AFM: variants seen among roughly 807,000 people sequenced by gnomAD.
The protein encoded by AFM is alpha-Alb.
In AFM, 82 loss-of-function variants were observed where a neutral mutation model predicts 68.7. That is an observed-to-expected ratio of 1.19 (90% confidence interval 1.00 to 1.43). AFM has a LOEUF of 1.43. AFM is among the 40% of genes most tolerant of loss of function. AFM has a pLI of 0.00. For missense variants in AFM, 772 were observed against 701.8 expected, an observed-to-expected ratio of 1.10 and a Z score of -1.13; for synonymous variants, 250 against 234.2, an observed-to-expected ratio of 1.07 and a Z score of -0.61.
chr4:73,499,595 A>C (rs1366399887), intron 11 of AFM, among the ~76,000 whole-genome samples: 2 of 152,104 alleles, frequency 1.3e-5, no homozygotes, highest in Admixed American at 6.6e-5. Context: ...TCTTGGCCCC[A>C]TTGCTTCATC....
At chr4:73,500,273 A>T in intron 12 of AFM, 46 bp downstream of exon 12, 1 of 1,490,944 alleles carries the variant, frequency 6.7e-7, no homozygotes, top group Non-Finnish European at 9.2e-7. Flanking sequence ...GTTTGAAGAC[A>T]CACCATGTAT....
rs907434243 is a variant in AFM, at chr4:73,495,120, A to T, written c.1059-180A>T. Reference sequence around the variant, plus strand: ...AATCTAAAACGTACCATGGAAGAGAACTTTTGTAAAATGATCTATAGCCAA... The same window carrying T: ...AATCTAAAACGTACCATGGAAGAGATCTTTTGTAAAATGATCTATAGCCAA... On this transcript the variant is annotated intron_variant, in intron 8 of 14. Coordinates refer to ENST00000226355, the MANE Select transcript of AFM (RefSeq NM_001133.2). The T allele has an allele frequency of 9.5e-5, 43 of 453,662 alleles. No homozygotes were observed. In the East Asian group the frequency reaches 1.4e-3, roughly 15 times the overall value. 28.1% of individuals were successfully genotyped at this position (453,662 alleles called of 1,614,324 possible). A position where few individuals can be genotyped will look rare whatever the true frequency, so the allele number is the denominator to read the frequency against.
chr4:73,488,678 G>T lies in AFM; in HGVS notation c.762G>T (p.Glu254Asp), dbSNP rs751777985. 2 of 1,612,734 alleles carry T rather than the reference G, an allele frequency of 1.2e-6. No homozygotes were observed. The highest frequency in any genetic ancestry group is 8.5e-7 in the Non-Finnish European group (1 of 1,179,228). ...AATTCCCCAAGATTGAATTTAAGGAGCTTATTTCTCTTGTAGAAGATGTTT... is the reference window on the plus strand; with the variant it reads ...AATTCCCCAAGATTGAATTTAAGGATCTTATTTCTCTTGTAGAAGATGTTT... ...SQKFPKIEFK[E>D]LISLVEDVSS... The change falls in exon 7 of 15, where the codon GAG becomes GAT. Residue 254 changes from glutamate (E) to aspartate (D), a missense_variant. By Grantham distance (45) the Glu-to-Asp change is conservative (BLOSUM62 2). Coordinates refer to ENST00000226355, the MANE Select transcript of AFM (RefSeq NM_001133.2).
intron 11 of AFM, 53 bp downstream of exon 11, chr4:73,499,299 GAA>G: frequency 7.3e-7 from 1 of 1,372,352 alleles, no homozygotes; most frequent in Non-Finnish European, 9.6e-7. Context: ...TTAAAAAAAA[GAA>G]TATTTGCACT....
At position 73,485,487 on chromosome 4, in the gene AFM, G is replaced by A. The variant is rs946775359; in HGVS notation, c.271-375G>A. On this transcript the variant is annotated intron_variant, in intron 3 of 14. Transcript: ENST00000226355. ...GAGGATCACTTGAGCCCAGGAGTTCGAATCTAGCCTGCACAACATATCAAG... is the reference window on the plus strand; with the variant it reads ...GAGGATCACTTGAGCCCAGGAGTTCAAATCTAGCCTGCACAACATATCAAG... Among the ~76,000 whole-genome samples the A allele has an allele frequency of 3.3e-5, 5 of 151,904 alleles. No homozygotes were observed. The East Asian group carries it at 9.7e-4, about 29-fold the overall frequency.
intron 10 of AFM, 145 bp downstream of exon 10, chr4:73,497,894 G>T: frequency 2.0e-6 from 1 of 490,104 alleles, no homozygotes. Flanking sequence ...AGTCAAGAAT[G>T]CCTATTGAAC....
intron 3 of AFM, among the ~76,000 whole-genome samples, chr4:73,485,049 T>C (rs1171138524): frequency 6.6e-6 from 1 of 152,212 alleles, no homozygotes; most frequent in Non-Finnish European, 1.5e-5. Flanking sequence ...ATGTATACAG[T>C]ATGCCCTATA....
intron 3 of AFM, among the ~76,000 whole-genome samples, 171 bp from the exon 4 acceptor site, chr4:73,485,691 A>AGG (rs964699913): frequency 2.2e-5 from 2 of 91,486 alleles, no homozygotes; most frequent in African/African-American, 8.6e-5. Flanking sequence ...GAAGAGAAGG[A>AGG]GGGGGGGAAG....
intron 6 of AFM, among the ~76,000 whole-genome samples, chr4:73,488,066 T>A (rs1720959733): frequency 6.6e-6 from 1 of 152,076 alleles, no homozygotes; most frequent in South Asian, 2.1e-4. Flanking sequence ...TAATTGAGAA[T>A]CTGAACTGCT....
rs1022967131 is a variant in AFM, at chr4:73,497,648, T to G, written c.1192-4T>G. The G allele has an allele frequency of 6.3e-7, 1 of 1,585,076 alleles. No individual in the cohort carries two copies. ...TTTGTAACCATGATTATTCTTATTT[T>G]CAGGAAGACAAATTCAATGAGACAA... On this transcript the variant is annotated splice_region_variant and splice_polypyrimidine_tract_variant and intron_variant, in intron 9 of 14. Transcript: ENST00000226355.
intron 1 of AFM, 147 bp from the exon 2 acceptor site, chr4:73,483,790 CTTAT>C (rs1320842626): frequency 8.9e-6 from 5 of 560,636 alleles, no homozygotes; most frequent in African/African-American, 2.0e-5. Context: ...GTTCACATGA[CTTAT>C]TTGTTTCTTG....
Position 73,501,854 on chromosome 4 carries a change from A to C in AFM, c.1714A>C (p.Asn572His). Residue 572 changes from asparagine to histidine, a missense_variant, in exon 13 of 15, where the codon AAT becomes CAT. Asn to His is a moderately conservative substitution (Grantham distance 68). Transcript: ENST00000226355. The stretch of plus-strand genomic sequence containing the variant: ...TGAAGAGCTGCAGTCTTTGTTTACA[A>C]ATTTCGCAAATGTAGTGGATAAGTG... ...TDEELQSLFTNFANVVDKCCK... is the reference protein window; with the variant it reads ...TDEELQSLFTHFANVVDKCCK... The C allele has an allele frequency of 6.2e-7, 1 of 1,613,562 alleles. No homozygotes were observed.
At chr4:73,488,819 T>C in intron 7 of AFM, 60 bp downstream of exon 7, 3 of 1,547,190 alleles carry the variant, frequency 1.9e-6, no homozygotes, top group African/African-American at 1.4e-5. Context: ...ATTTTTTTAT[T>C]CTCAAGTTGC....
rs765807836 is a variant in AFM at position 73,495,431 on chromosome 4, C to T, written c.1190C>T (p.Ala397Val). ...TENPPGCYRY[A>V]EDKFNETTEK... ...AACCCTCCAGGTTGTTACCGTTACG[C>T]GGTAGGTTCCATTGTTGTAGGTTCA... Residue 397 changes from alanine to valine, a missense_variant and splice_region_variant, in exon 9 of 15, where the codon GCG (alanine) becomes GTG (valine). Physicochemically the swap from Ala to Val is moderately conservative, Grantham distance 64. Transcript: ENST00000226355. 4.0e-5 allele frequency: 65 copies of T among 1,607,852 alleles called. No individual in the cohort carries two copies. Among genetic ancestry groups the T allele is most frequent in the Middle Eastern group, 1.7e-4 (1 of 6,038 alleles).
chr4:73,485,848 T>G lies in AFM; in HGVS notation c.271-14T>G. On this transcript the variant is annotated splice_polypyrimidine_tract_variant and intron_variant, in intron 3 of 14. Transcript: ENST00000226355. Reference sequence around the variant, plus strand: ...CCATGACTAAAAATTGTCCTTTTCTTCTCTGTTGTATAGAATAATGTTTTA... The same window carrying G: ...CCATGACTAAAAATTGTCCTTTTCTGCTCTGTTGTATAGAATAATGTTTTA... The G allele has an allele frequency of 6.2e-7, 1 of 1,608,884 alleles. No individual in the cohort carries two copies. The highest frequency in any genetic ancestry group is 8.5e-7 in the Non-Finnish European group (1 of 1,175,718).
chr4:73,502,777 A>G (rs1721456327), intron 13 of AFM, among the ~76,000 whole-genome samples: 1 of 152,104 alleles, frequency 6.6e-6, no homozygotes, highest in Admixed American at 6.6e-5. Flanking sequence ...AAATATACCT[A>G]ATTTTAAGTA....
At chr4:73,490,030 TA>T (rs998468840) in intron 7 of AFM, among the ~76,000 whole-genome samples, 2 of 151,938 alleles carry the variant, frequency 1.3e-5, no homozygotes, top group Non-Finnish European at 2.9e-5. Context: ...ATAATTTTAT[TA>T]AAAAAATAAC....
intron 9 of AFM, among the ~76,000 whole-genome samples, chr4:73,497,114 G>A (rs1054386772): frequency 5.9e-5 from 9 of 152,108 alleles, no homozygotes; most frequent in African/African-American, 2.2e-4. Context: ...CTCAGAAGAT[G>A]TCCAATTTTA....
At chr4:73,486,104 G>C (rs749597874) in intron 4 of AFM, 31 bp downstream of exon 4, 3 of 1,564,340 alleles carry the variant, frequency 1.9e-6, no homozygotes, top group African/African-American at 1.4e-5. Flanking sequence ...AAATGATCCA[G>C]TTGAAGAATT....
Sources: allele counts gnomAD v4.1 joint callset (sites outside exome capture counted in the v4.1 genomes callset), GRCh38; gene constraint gnomAD v4.1.1; transcripts MANE v1.5; gene names NCBI Gene and HGNC (gene_info 2026-07-23, HGNC 2026-07-21).